Variants in SLC14A2 observed in about 807,000 individuals in gnomAD.
SLC14A2 encodes the protein urea transporter 2.
In SLC14A2, 91 loss-of-function variants were observed where a neutral mutation model predicts 104.6. The observed-to-expected ratio is 0.87, with a 90% CI of 0.73 to 1.04. SLC14A2 has a LOEUF of 1.04. Among genes scored for constraint, SLC14A2 ranks in the 50% least tolerant of loss-of-function variants. The pLI is 0.00. For synonymous variants in SLC14A2, 476 were observed against 466.4 expected, an observed-to-expected ratio of 1.02 and a Z score of -0.27; for missense variants, 1,189 against 1,156.0, an observed-to-expected ratio of 1.03 and a Z score of -0.41.
the SLC14A2 span, among the ~76,000 whole-genome samples, chr18:45,192,881 C>G: frequency 2.0e-5 from 3 of 152,078 alleles, no homozygotes; most frequent in African/African-American, 7.2e-5. Flanking sequence ...TGGTCTAGAT[C>G]TCCTGACCTC....
intron 1 of SLC14A2, among the ~76,000 whole-genome samples, chr18:45,354,644 T>C (rs2085534439): frequency 6.6e-6 from 1 of 152,168 alleles, no homozygotes; most frequent in Non-Finnish European, 1.5e-5. Flanking sequence ...GGTCAGCTTG[T>C]ATATGTCTTG....
At chr18:45,547,791 A>C (rs980846690) in intron 2 of SLC14A2, among the ~76,000 whole-genome samples, 1 of 152,260 alleles carries the variant, frequency 6.6e-6, no homozygotes, top group Non-Finnish European at 1.5e-5. Flanking sequence ...GTTGAAGCCC[A>C]GTATTGATCT....
intron 1 of SLC14A2, among the ~76,000 whole-genome samples, chr18:45,378,323 T>C (rs1402131949): frequency 6.6e-6 from 1 of 152,220 alleles, no homozygotes; most frequent in Non-Finnish European, 1.5e-5. Context: ...TATTGAGGTC[T>C]CCAGAGTAAA....
chr18:45,218,457 C>G (rs573423225), intron 1 of SLC14A2, among the ~76,000 whole-genome samples: 14 of 152,290 alleles, frequency 9.2e-5, no homozygotes, highest in African/African-American at 3.4e-4. Flanking sequence ...CAATCGGCAT[C>G]TATATGCATG....
chr18:45,539,989 C>G (rs1033859258), intron 2 of SLC14A2, among the ~76,000 whole-genome samples: 2 of 151,956 alleles, frequency 1.3e-5, no homozygotes, highest in Non-Finnish European at 2.9e-5. Flanking sequence ...ATACGGGGTG[C>G]TGAGCAATAG....
the SLC14A2 span, among the ~76,000 whole-genome samples, chr18:45,206,033 G>A: frequency 3.9e-5 from 6 of 152,296 alleles, no homozygotes; most frequent in South Asian, 2.1e-4. Flanking sequence ...TGAAGAGGCC[G>A]GTGGAGATGG....
At chr18:45,627,293 C>T in intron 4 of SLC14A2, 146 bp downstream of exon 4, 1 of 650,258 alleles carries the variant, frequency 1.5e-6, no homozygotes, top group Non-Finnish European at 2.7e-6. Flanking sequence ...ACAGTCCTTG[C>T]AGAATTACAC....
At chr18:45,337,220 A>G (rs1169545710) in intron 1 of SLC14A2, among the ~76,000 whole-genome samples, 3 of 152,130 alleles carry the variant, frequency 2.0e-5, no homozygotes, top group Non-Finnish European at 4.4e-5. Context: ...AGGAGGGTCA[A>G]TTTGGTAGAG....
At chr18:45,640,108 A>G (rs2045496986) in intron 7 of SLC14A2, among the ~76,000 whole-genome samples, 1 of 151,982 alleles carries the variant, frequency 6.6e-6, no homozygotes, top group Admixed American at 6.6e-5. Context: ...TCTCTACTAA[A>G]GAAAAAAAAG....
chr18:45,519,744 G>T (rs549682444), intron 2 of SLC14A2, among the ~76,000 whole-genome samples: 1 of 152,288 alleles, frequency 6.6e-6, no homozygotes, highest in South Asian at 2.1e-4. Context: ...TAAGCTAAAG[G>T]CTCAGAGAAA....
At chr18:45,530,856 C>A (rs534297568) in intron 2 of SLC14A2, among the ~76,000 whole-genome samples, 103 of 152,050 alleles carry the variant, frequency 6.8e-4, no homozygotes, top group Non-Finnish European at 1.2e-3. Flanking sequence ...CCACTCCCCC[C>A]ACCCCACAAC....
At position 45,625,824 on chromosome 18, in the gene SLC14A2, C is replaced by T. The variant is rs148670019; in HGVS notation, c.292C>T (p.Leu98Phe). 8 of 1,509,262 alleles carry T rather than the reference C, an allele frequency of 5.3e-6. No homozygotes were observed. The African/African-American group carries it at 1.2e-4, about 22-fold the overall frequency. The allele number at this position is 1,509,262 out of a possible 1,614,324, so 93.5% of individuals were successfully genotyped here. A position where few individuals can be genotyped will look rare whatever the true frequency, so the allele number is the denominator to read the frequency against. The stretch of plus-strand genomic sequence containing the variant: ...CTGCCTCTCCAAAGCAGTGGGCTAC[C>T]TCACGGGCGACATGAAGGAGTACAG... ...CICLSKAVGY[L>F]TGDMKEYRIW... Residue 98 changes from leucine to phenylalanine, a missense_variant, in exon 3 of 20, where the codon CTC (leucine) becomes TTC (phenylalanine). Coordinates refer to ENST00000255226, the MANE Select transcript of SLC14A2 (RefSeq NM_007163.4).
At chr18:45,398,592 C>T (rs2052372) in intron 1 of SLC14A2, among the ~76,000 whole-genome samples, 83,471 of 151,528 alleles carry the variant, frequency 0.55, 23,364 homozygotes, top group Admixed American at 0.63. Context: ...TGGTTATATA[C>T]ATATAATAAA....
chr18:45,613,032 GT>G (rs71177681), upstream of SLC14A2, among the ~76,000 whole-genome samples: 108,470 of 151,684 alleles, frequency 0.72, 39,166 homozygotes, highest in East Asian at 0.85. Flanking sequence ...GTCTTTGGCA[GT>G]TTTTTTTTGT....
At chr18:45,577,027 TG>T (rs1463951403) in intron 2 of SLC14A2, among the ~76,000 whole-genome samples, 1 of 152,060 alleles carries the variant, frequency 6.6e-6, no homozygotes, top group African/African-American at 2.4e-5. Context: ...TACAGGGCCT[TG>T]GGGTGATTAG....
At chr18:45,481,141 G>C (rs911124324) in intron 1 of SLC14A2, among the ~76,000 whole-genome samples, 2 of 152,078 alleles carry the variant, frequency 1.3e-5, no homozygotes, top group African/African-American at 4.8e-5. Flanking sequence ...CCAGGCTCAG[G>C]GGAGATGTTT....
intron 10 of SLC14A2, among the ~76,000 whole-genome samples, chr18:45,658,522 A>G (rs2045881065): frequency 6.6e-6 from 1 of 151,978 alleles, no homozygotes; most frequent in South Asian, 2.1e-4. Context: ...CGGAGGTTGC[A>G]GTGAGCCGAG....
intron 1 of SLC14A2, among the ~76,000 whole-genome samples, chr18:45,382,158 T>C (rs1351603506): frequency 1.3e-5 from 2 of 152,152 alleles, no homozygotes; most frequent in African/African-American, 2.4e-5. Flanking sequence ...ACTCCCAGAT[T>C]CTCTAGCTCT....
intron 1 of SLC14A2, among the ~76,000 whole-genome samples, chr18:45,249,934 G>A (rs935120670): frequency 2.6e-5 from 4 of 152,052 alleles, no homozygotes; most frequent in Non-Finnish European, 5.9e-5. Context: ...GGGTGACAGA[G>A]CAAGATTCTG....
Sources: allele counts gnomAD v4.1 joint callset (sites outside exome capture counted in the v4.1 genomes callset), GRCh38; gene constraint gnomAD v4.1.1; transcripts MANE v1.5; gene names NCBI Gene and HGNC (gene_info 2026-07-23, HGNC 2026-07-21).